The following PIGL variants were observed in gnomAD, a reference collection of about 807,000 sequenced individuals.
PIGL encodes the protein phosphatidylinositol glycan anchor biosynthesis class L.
Under a neutral mutation model 31.1 loss-of-function variants are expected in PIGL, and 22 were observed. The observed-to-expected ratio is 0.71, with a 90% CI of 0.51 to 1.01. PIGL has a LOEUF of 1.01. Ranked by LOEUF, PIGL falls within the 50% of genes least tolerant of loss-of-function variation. The probability of loss-of-function intolerance (pLI) is 0.00; values close to 1 mark genes in which losing one functional copy is unlikely to be tolerated. For missense variants in PIGL, 302 were observed against 315.9 expected (o/e 0.96, Z 0.33); for synonymous variants, 131 against 117.4 (o/e 1.12, Z -0.75).
intron 2 of PIGL, among the ~76,000 whole-genome samples, chr17:16,287,104 G>C (rs3785625): frequency 0.4 from 61,333 of 152,058 alleles, 13,799 homozygotes; most frequent in Middle Eastern, 0.52. Context: ...TGGGTCCCTG[G>C]GGACCCCTCC....
chr17:16,309,704 T>G (rs927942057), intron 3 of PIGL, among the ~76,000 whole-genome samples: 3 of 150,570 alleles, frequency 2.0e-5, no homozygotes, highest in Non-Finnish European at 4.4e-5. Context: ...GAAGTTGCAG[T>G]GAGCCGAGAA....
intron 2 of PIGL, among the ~76,000 whole-genome samples, chr17:16,282,736 G>A (rs559090844): frequency 6.0e-4 from 91 of 152,218 alleles, no homozygotes; most frequent in Non-Finnish European, 1.2e-3. Flanking sequence ...AAGAGTCAGT[G>A]CAGAATGCAG....
At chr17:16,306,080 C>T (rs1293899243) in intron 3 of PIGL, among the ~76,000 whole-genome samples, 4 of 152,188 alleles carry the variant, frequency 2.6e-5, no homozygotes, top group Admixed American at 6.5e-5. Flanking sequence ...TCCCGAGTAG[C>T]TGGGACTACA....
At chr17:16,251,115 C>G (rs1204574274) in intron 2 of PIGL, among the ~76,000 whole-genome samples, 1 of 152,088 alleles carries the variant, frequency 6.6e-6, no homozygotes, top group Non-Finnish European at 1.5e-5. Flanking sequence ...GGAAGCAGAT[C>G]ACCACTTTGT....
At chr17:16,303,826 C>T (rs142155129) in intron 3 of PIGL, among the ~76,000 whole-genome samples, 6,687 of 151,894 alleles carry the variant, frequency 0.044, 199 homozygotes, top group African/African-American at 0.088. Context: ...GCCATTCTCC[C>T]GCCTCAGCCT....
intron 2 of PIGL, among the ~76,000 whole-genome samples, chr17:16,247,758 A>G (rs1356939582): frequency 1.3e-5 from 2 of 152,112 alleles, no homozygotes; most frequent in Non-Finnish European, 2.9e-5. Flanking sequence ...CTTTCGTCCC[A>G]CCCGATTTTT....
chr17:16,219,065 A>ATTTTTTTTTTTT (rs766541353), intron 1 of PIGL, among the ~76,000 whole-genome samples: 1 of 81,640 alleles, frequency 1.2e-5, no homozygotes, highest in African/African-American at 4.2e-5. Flanking sequence ...TTTTTTATAA[A>ATTTTTTTTTTTT]TTTTTTTTTT....
At chr17:16,313,661 A>G in intron 4 of PIGL, 47 bp downstream of exon 4, 1 of 1,388,882 alleles carries the variant, frequency 7.2e-7, no homozygotes, top group East Asian at 2.3e-5. Flanking sequence ...TGTTTATTTG[A>G]TTAGGGCTCA....
At chr17:16,273,570 A>G (rs1240723679) in intron 2 of PIGL, among the ~76,000 whole-genome samples, 1 of 152,176 alleles carries the variant, frequency 6.6e-6, no homozygotes, top group East Asian at 1.9e-4. Context: ...ACCAATAGGT[A>G]TGGTCACGTG....
intron 2 of PIGL, among the ~76,000 whole-genome samples, chr17:16,284,383 G>A (rs2092928939): frequency 6.6e-6 from 1 of 152,170 alleles, no homozygotes; most frequent in South Asian, 2.1e-4. Context: ...CCAGTTCATA[G>A]TTTAAAACAA....
chr17:16,242,240 T>C (rs1362404069), intron 2 of PIGL, among the ~76,000 whole-genome samples: 1 of 151,978 alleles, frequency 6.6e-6, no homozygotes, highest in African/African-American at 2.4e-5. Flanking sequence ...TTATTTTAGA[T>C]CCAGAGTCTT....
intron 2 of PIGL, among the ~76,000 whole-genome samples, chr17:16,237,920 G>C (rs911123979): frequency 6.6e-6 from 1 of 151,670 alleles, no homozygotes; most frequent in Admixed American, 6.6e-5. Context: ...TTTCAGGGCC[G>C]GGCGCATTGG....
chr17:16,306,228 C>T (rs548527011), intron 3 of PIGL, among the ~76,000 whole-genome samples: 8 of 152,240 alleles, frequency 5.3e-5, no homozygotes, highest in Non-Finnish European at 8.8e-5. Flanking sequence ...GGATTACAGA[C>T]GTGAGCCACC....
rs1284494889 is a variant in PIGL at position 16,317,918 on chromosome 17, G to A, written c.660+10G>A. Reference sequence around the variant, plus strand: ...AGTGGCACAGGCCAAGGTGAGGATTGTAAATTCCTGGACACCCCAACTCAG... The same window carrying A: ...AGTGGCACAGGCCAAGGTGAGGATTATAAATTCCTGGACACCCCAACTCAG... On this transcript the variant is annotated intron_variant, in intron 6 of 6. Coordinates refer to ENST00000225609, the MANE Select transcript of PIGL (RefSeq NM_004278.4). 2.5e-6 allele frequency: 4 copies of A among 1,607,146 alleles called. No individual in the cohort carries two copies. Among genetic ancestry groups the A allele is most frequent in the South Asian group, 2.2e-5 (2 of 90,898 alleles).
chr17:16,316,302 C>T (rs565285230), intron 4 of PIGL, among the ~76,000 whole-genome samples: 5 of 152,188 alleles, frequency 3.3e-5, no homozygotes, highest in African/African-American at 4.8e-5. Context: ...AAGGAAATAT[C>T]AGGGAAGAGC....
intron 2 of PIGL, among the ~76,000 whole-genome samples, chr17:16,259,909 C>A (rs1474301717): frequency 1.3e-5 from 2 of 152,138 alleles, no homozygotes; most frequent in Non-Finnish European, 2.9e-5. Flanking sequence ...GCCCCCTGCC[C>A]CCACAGGCTC....
At chr17:16,320,635 A>T (rs988449368) in intron 6 of PIGL, among the ~76,000 whole-genome samples, 8 of 151,982 alleles carry the variant, frequency 5.3e-5, no homozygotes, top group African/African-American at 1.9e-4. Context: ...GTTTAGCTTT[A>T]TTTTCTAAAT....
At chr17:16,293,534 GA>G (rs1419640938) in intron 2 of PIGL, among the ~76,000 whole-genome samples, 8 of 151,498 alleles carry the variant, frequency 5.3e-5, no homozygotes, top group Admixed American at 1.3e-4. Flanking sequence ...TCTCAAAAAA[GA>G]AAAAAAAATT....
At chr17:16,299,407 G>A (rs1055979456) in intron 2 of PIGL, among the ~76,000 whole-genome samples, 3 of 150,348 alleles carry the variant, frequency 2.0e-5, no homozygotes, top group African/African-American at 7.3e-5. Flanking sequence ...TCTCACCATT[G>A]CACTCCAGCC....
Sources: allele counts gnomAD v4.1 joint callset (sites outside exome capture counted in the v4.1 genomes callset), GRCh38; gene constraint gnomAD v4.1.1; transcripts MANE v1.5; gene names NCBI Gene and HGNC (gene_info 2026-07-23, HGNC 2026-07-21).